ANK3: variants seen among roughly 807,000 people sequenced by gnomAD.
The protein encoded by ANK3 is ankyrin 3, also known as ankyrin-3.
A neutral mutation model predicts 370.9 loss-of-function variants in ANK3; 57 were observed. The ratio of observed to expected loss-of-function variants is 0.15; its 90% CI spans 0.12 to 0.19. The LOEUF (loss-of-function observed/expected upper bound fraction) is 0.19. Among genes scored for constraint, ANK3 ranks in the 10% least tolerant of loss-of-function variants. The probability of loss-of-function intolerance (pLI) is 1.00; values close to 1 mark genes in which losing one functional copy is unlikely to be tolerated. For missense variants in ANK3, 4,439 were observed against 5,302.1 expected (o/e 0.84, Z 5.06); for synonymous variants, 1,929 against 1,946.3 (o/e 0.99, Z 0.23).
At chr10:60,376,767 G>C (rs971998251) in intron 1 of ANK3, among the ~76,000 whole-genome samples, 1 of 152,158 alleles carries the variant, frequency 6.6e-6, no homozygotes, top group African/African-American at 2.4e-5. Context: ...CTTTTGAAAC[G>C]AATCAGACTG....
chr10:60,704,598 G>A (rs948178814), intron 1 of ANK3, among the ~76,000 whole-genome samples: 3 of 152,134 alleles, frequency 2.0e-5, no homozygotes, highest in Non-Finnish European at 2.9e-5. Context: ...TTTTAATAAC[G>A]TTGTCCTCCT....
rs759387336 is a variant in ANK3, at chr10:60,205,782, C to T, written c.1293+10G>A. On this transcript the variant is annotated intron_variant, in intron 11 of 43. Transcript: ENST00000280772. ...ATCTCAGGACTCCCAGAAATCTTAA[C>T]TCTTCTCACCTCGGTTACAGCTTGG... 2 of 1,603,280 alleles carry T rather than the reference C, an allele frequency of 1.2e-6. No individual in the cohort carries two copies.
chr10:60,260,778 C>T (rs1012577369), intron 7 of ANK3, among the ~76,000 whole-genome samples: 10 of 152,154 alleles, frequency 6.6e-5, no homozygotes, highest in East Asian at 1.9e-4. Context: ...GTCCCTGCTT[C>T]GCCTCCTGCC....
chr10:60,497,139 A>T (rs1305782339), intron 2 of ANK3, among the ~76,000 whole-genome samples: 1 of 152,038 alleles, frequency 6.6e-6, no homozygotes. Flanking sequence ...CTGTCACTAT[A>T]AAGAAATTTA....
intron 25 of ANK3, among the ~76,000 whole-genome samples, chr10:60,132,639 CAG>C (rs2094143555): frequency 1.5e-5 from 2 of 136,428 alleles, no homozygotes; most frequent in South Asian, 2.4e-4. Context: ...TTTTTTTTGA[CAG>C]AGTCTCGCTC....
At chr10:60,317,062 G>A (rs1223057143) in intron 1 of ANK3, among the ~76,000 whole-genome samples, 2 of 151,594 alleles carry the variant, frequency 1.3e-5, no homozygotes, top group East Asian at 3.9e-4. Context: ...TCCATATATT[G>A]TATGGACTTG....
intron 2 of ANK3, among the ~76,000 whole-genome samples, chr10:60,551,094 A>G (rs900660997): frequency 1.3e-4 from 20 of 152,286 alleles, no homozygotes; most frequent in Middle Eastern, 3.4e-3. Flanking sequence ...ATCACACAAT[A>G]AAGTGCCTGG....
At chr10:60,507,344 A>G (rs1197905135) in intron 2 of ANK3, among the ~76,000 whole-genome samples, 1 of 152,072 alleles carries the variant, frequency 6.6e-6, no homozygotes, top group Non-Finnish European at 1.5e-5. Flanking sequence ...TCACTTAGAA[A>G]AAAATCAAAA....
Position 60,680,332 on chromosome 10 carries a change from C to T in ANK3, c.57+52931G>A, listed in dbSNP as rs561703185. Among the ~76,000 whole-genome samples, 18 of 152,312 alleles carry T rather than the reference C, an allele frequency of 1.2e-4. No individual in the cohort carries two copies. The East Asian group carries it at 2.3e-3, about 20-fold the overall frequency. On this transcript the variant is annotated intron_variant, in intron 1 of 43. Transcript: ENST00000373827. ...CCACAGTAATGGGTATGCCTTGAGG[C>T]CAGGGACAATGCAGTGAGGGCCAGC...
At chr10:60,030,056 G>A (rs10821656) in intron 43 of ANK3, among the ~76,000 whole-genome samples, 1 of 151,812 alleles carries the variant, frequency 6.6e-6, no homozygotes, top group Non-Finnish European at 1.5e-5. Context: ...AAAGCTCTTA[G>A]AAGGCAGTGA....
At chr10:60,641,145 G>A (rs1424337105) in intron 1 of ANK3, among the ~76,000 whole-genome samples, 1 of 149,562 alleles carries the variant, frequency 6.7e-6, no homozygotes, top group African/African-American at 2.5e-5. Context: ...ACAAACAAAT[G>A]GAAGAACATT....
intron 2 of ANK3, among the ~76,000 whole-genome samples, chr10:60,509,029 G>A (rs1198390749): frequency 6.6e-6 from 1 of 152,204 alleles, no homozygotes; most frequent in Non-Finnish European, 1.5e-5. Context: ...AATGGTGCTA[G>A]TTATTGCTGG....
intron 28 of ANK3, among the ~76,000 whole-genome samples, chr10:60,100,965 T>A (rs1314259290): frequency 6.6e-6 from 1 of 152,208 alleles, no homozygotes. Flanking sequence ...TTATTTGTTT[T>A]TTAGAGATGG....
chr10:60,330,513 G>GA (rs1378743899), intron 1 of ANK3, among the ~76,000 whole-genome samples: 2 of 151,722 alleles, frequency 1.3e-5, no homozygotes, highest in Non-Finnish European at 1.5e-5. Context: ...CAACAAACAT[G>GA]AAAAAAAAGC....
chr10:60,629,457 C>T (rs566780602), intron 1 of ANK3, among the ~76,000 whole-genome samples: 1 of 152,166 alleles, frequency 6.6e-6, no homozygotes, highest in African/African-American at 2.4e-5. Flanking sequence ...AAATATCATT[C>T]AGATTCACTA....
At chr10:60,189,780 C>T (rs1253594115) in intron 16 of ANK3, among the ~76,000 whole-genome samples, 1 of 152,156 alleles carries the variant, frequency 6.6e-6, no homozygotes, top group Non-Finnish European at 1.5e-5. Flanking sequence ...GGACCAAGTG[C>T]TTGCCACATG....
chr10:60,046,755 G>C (rs1349274236), intron 42 of ANK3, among the ~76,000 whole-genome samples: 4 of 151,120 alleles, frequency 2.6e-5, no homozygotes. Flanking sequence ...GAGACCAAAT[G>C]TTACCTAAGA....
intron 29 of ANK3, 43 bp downstream of exon 29, chr10:60,088,104 C>A: frequency 6.6e-7 from 1 of 1,517,618 alleles, no homozygotes; most frequent in Non-Finnish European, 9.1e-7. Context: ...CACTCACATG[C>A]TCTCTGCGCA....
intron 2 of ANK3, among the ~76,000 whole-genome samples, chr10:60,527,326 A>C (rs2076496841): frequency 6.6e-6 from 1 of 152,174 alleles, no homozygotes; most frequent in South Asian, 2.1e-4. Flanking sequence ...AACATGCTTC[A>C]TAAGATCAAT....
Sources: gnomAD v4.1 joint callset for allele counts (sites outside exome capture counted in the v4.1 genomes callset) on GRCh38, gnomAD v4.1.1 for gene constraint, MANE v1.5 for transcripts, NCBI Gene and HGNC (gene_info 2026-07-23, HGNC 2026-07-21) for gene names.